Variants in PCDHA2 observed in about 807,000 individuals in gnomAD.
PCDHA2 encodes protocadherin alpha-2.
PCDHA2 carries 58 observed loss-of-function variants against 66.0 expected under a neutral mutation model. The ratio of observed to expected loss-of-function variants is 0.88; its 90% CI spans 0.71 to 1.09. The LOEUF is 1.09. Ranked by LOEUF, PCDHA2 falls within the 50% of genes least tolerant of loss-of-function variation. The probability of loss-of-function intolerance (pLI) is 0.00; values close to 1 mark genes in which losing one functional copy is unlikely to be tolerated. For missense variants in PCDHA2, 1,267 were observed against 1,242.3 expected (o/e 1.02, Z -0.30); for synonymous variants, 634 against 554.0 (o/e 1.14, Z -2.03).
chr5:140,871,598 G>A (rs2053214620), intron 1 of PCDHA2: 1 of 1,452,006 alleles, frequency 6.9e-7, no homozygotes, highest in African/African-American at 1.4e-5. Flanking sequence ...TGAATAACCA[G>A]TGTTTTGAAT....
intron 1 of PCDHA2, among the ~76,000 whole-genome samples, chr5:140,949,414 C>G (rs887325816): frequency 6.6e-6 from 1 of 151,940 alleles, no homozygotes; most frequent in Non-Finnish European, 1.5e-5. Context: ...CACCTATCAT[C>G]ATTGTGTTTA....
At chr5:140,965,670 G>A (rs2095922284) in intron 1 of PCDHA2, among the ~76,000 whole-genome samples, 1 of 152,144 alleles carries the variant, frequency 6.6e-6, no homozygotes, top group Non-Finnish European at 1.5e-5. Flanking sequence ...GGTGATAAAT[G>A]TAAAAGATTT....
In PCDHA2 at chr5:140,959,152, A is replaced by C. The variant is rs182353196; in HGVS notation, c.2389-19797A>C. 1.3e-4 allele frequency among the ~76,000 whole-genome samples: 20 copies of C among 152,108 alleles called. No individual in the cohort carries two copies. The East Asian group carries it at 3.9e-3, about 30-fold the overall frequency. ...CCCACTTTGGGAGGCCAAAGTGGGC[A>C]GATTGCTTGACCCCAGGAGTTCAGG... On this transcript the variant is annotated intron_variant, in intron 1 of 3. Coordinates refer to ENST00000526136, the MANE Select transcript of PCDHA2 (RefSeq NM_018905.3).
At chr5:140,802,342 A>G in intron 1 of PCDHA2, 3 of 1,614,260 alleles carry the variant, frequency 1.9e-6, no homozygotes, top group Non-Finnish European at 2.5e-6. Flanking sequence ...TCAGGAGTCA[A>G]TGGACAGGTC....
rs1424860955 is a variant in PCDHA2, at chr5:140,855,923, A to G, written c.2388+58571A>G. 3.3e-6 allele frequency: 4 copies of G among 1,229,030 alleles called. No individual in the cohort carries two copies. In the East Asian group the frequency reaches 9.4e-5, roughly 29 times the overall value. The allele number at this position is 1,229,030 out of a possible 1,614,324, so 76.1% of individuals were successfully genotyped here. ...GCCAGTTTCTCAAGGACTAGGAAGT[A>G]GCGTCATTCTGAGATCTCAGCCATT... On this transcript the variant is annotated intron_variant, in intron 1 of 3. Transcript: ENST00000526136.
chr5:140,869,396 A>C (rs782754440), intron 1 of PCDHA2: 18 of 1,614,242 alleles, frequency 1.1e-5, no homozygotes, highest in East Asian at 2.2e-5. Flanking sequence ...CTGTGCGGGC[A>C]GAGCGCGGAG....
intron 1 of PCDHA2, chr5:140,927,582 G>C (rs1554204771): frequency 1.2e-6 from 2 of 1,614,174 alleles, no homozygotes; most frequent in Non-Finnish European, 8.5e-7. Context: ...ATGACAACGC[G>C]CCTGTATTTG....
rs782363185 is a variant in PCDHA2, at chr5:140,796,140, C to T, written c.1176C>T (p.His392=). ...NGHVTCSLTP[H]VPFKLVSTFK... ...ATGTCACCTGCTCCCTGACGCCCCA[C>T]GTCCCTTTCAAGCTGGTGTCCACCT... is the stretch of plus-strand genomic sequence containing the variant. The change falls in exon 1 of 4, where the codon CAC becomes CAT. Residue 392 remains histidine, a synonymous_variant. Coordinates refer to ENST00000526136, the MANE Select transcript of PCDHA2 (RefSeq NM_018905.3). 5 of 1,614,232 alleles carry T rather than the reference C, an allele frequency of 3.1e-6. No homozygotes were observed. In the East Asian group the frequency reaches 8.9e-5, roughly 29 times the overall value.
At chr5:140,905,135 T>G (rs2071619691) in intron 1 of PCDHA2, among the ~76,000 whole-genome samples, 1 of 152,208 alleles carries the variant, frequency 6.6e-6, no homozygotes, top group Admixed American at 6.5e-5. Context: ...GAAGAGTTTT[T>G]CTGCTGTTAT....
intron 1 of PCDHA2, among the ~76,000 whole-genome samples, chr5:140,934,646 T>C (rs1554210032): frequency 6.6e-6 from 1 of 152,116 alleles, no homozygotes; most frequent in African/African-American, 2.4e-5. Flanking sequence ...GCAGGATAAA[T>C]GTTTGATTCT....
intron 1 of PCDHA2, chr5:140,808,096 T>C (rs1164204608): frequency 2.5e-6 from 4 of 1,613,848 alleles, no homozygotes; most frequent in Non-Finnish European, 3.4e-6. Flanking sequence ...GACAAATTAT[T>C]GTAAAGGGAT....
chr5:141,008,941 G>T, intron 3 of PCDHA2, among the ~76,000 whole-genome samples: 1 of 152,140 alleles, frequency 6.6e-6, no homozygotes, highest in East Asian at 1.9e-4. Context: ...TCTTGTTTTG[G>T]ACAAAATAGA....
At chr5:140,931,970 G>A (rs2087909153) in intron 1 of PCDHA2, among the ~76,000 whole-genome samples, 1 of 151,866 alleles carries the variant, frequency 6.6e-6, no homozygotes, top group Non-Finnish European at 1.5e-5. Flanking sequence ...TGATGCATAT[G>A]TGTTTATATT....
chr5:140,913,178 A>G (rs2076245523), intron 1 of PCDHA2, among the ~76,000 whole-genome samples: 1 of 152,156 alleles, frequency 6.6e-6, no homozygotes, highest in African/African-American at 2.4e-5. Context: ...TCTTCTTTAA[A>G]TGTTTGGTAG....
At chr5:140,933,262 T>G (rs2088985963) in intron 1 of PCDHA2, among the ~76,000 whole-genome samples, 1 of 152,012 alleles carries the variant, frequency 6.6e-6, no homozygotes, top group South Asian at 2.1e-4. Flanking sequence ...AAAAGGTTAT[T>G]ATATATTCAT....
At chr5:140,865,102 A>G (rs1251688673) in intron 1 of PCDHA2, 2 of 152,206 alleles carry the variant, frequency 1.3e-5, no homozygotes, top group Non-Finnish European at 2.9e-5. Context: ...AGGCACTTCC[A>G]CTTGACAATT....
At chr5:140,941,553 G>T in intron 1 of PCDHA2, among the ~76,000 whole-genome samples, 1 of 151,656 alleles carries the variant, frequency 6.6e-6, no homozygotes, top group East Asian at 2.0e-4. Context: ...CTGACCTCGT[G>T]ATCCATTCGC....
At chr5:140,805,683 G>T in intron 1 of PCDHA2, 1 of 781,174 alleles carries the variant, frequency 1.3e-6, no homozygotes, top group Non-Finnish European at 1.6e-6. Flanking sequence ...ATGATTCAAA[G>T]ATCATGATTA....
At chr5:141,008,961 A>G (rs2098395078) in intron 3 of PCDHA2, among the ~76,000 whole-genome samples, 1 of 152,214 alleles carries the variant, frequency 6.6e-6, no homozygotes, top group Non-Finnish European at 1.5e-5. Context: ...ACATCCTAAT[A>G]CATTTATAGC....
Sources: gnomAD v4.1 joint callset for allele counts (sites outside exome capture counted in the v4.1 genomes callset) on GRCh38, gnomAD v4.1.1 for gene constraint, MANE v1.5 for transcripts, NCBI Gene and HGNC (gene_info 2026-07-23, HGNC 2026-07-21) for gene names.